The following MYOCD variants were observed in gnomAD, a reference collection of about 807,000 sequenced individuals.
MYOCD encodes myocardin.
Under a neutral mutation model 96.1 loss-of-function variants are expected in MYOCD, and 32 were observed. The observed-to-expected ratio is 0.33, with a 90% CI of 0.25 to 0.45. MYOCD has a LOEUF of 0.45. Among genes scored for constraint, MYOCD ranks in the 20% least tolerant of loss-of-function variants. The pLI is 1.00. For missense variants in MYOCD, 1,133 were observed against 1,200.6 expected, an observed-to-expected ratio of 0.94 and a Z score of 0.83; for synonymous variants, 469 against 469.0, an observed-to-expected ratio of 1.00 and a Z score of 0.00.
intron 10 of MYOCD, among the ~76,000 whole-genome samples, chr17:12,754,729 C>T (rs1333996679): frequency 5.3e-5 from 8 of 152,338 alleles, no homozygotes; most frequent in Admixed American, 4.6e-4. Flanking sequence ...AGAAAGGTTA[C>T]ATTATCAAAA....
At chr17:12,709,866 G>A (rs2031428454) in intron 2 of MYOCD, among the ~76,000 whole-genome samples, 1 of 152,058 alleles carries the variant, frequency 6.6e-6, no homozygotes, top group Non-Finnish European at 1.5e-5. Context: ...TCTTCTCCCT[G>A]GGTATCACTC....
chr17:12,676,586 A>C (rs995164159), intron 1 of MYOCD, among the ~76,000 whole-genome samples: 24 of 152,134 alleles, frequency 1.6e-4, no homozygotes, highest in African/African-American at 5.1e-4. Flanking sequence ...GAGTGGGTTA[A>C]CAATACCATA....
At chr17:12,739,785 T>C (rs1218853390) in intron 7 of MYOCD, among the ~76,000 whole-genome samples, 3 of 152,240 alleles carry the variant, frequency 2.0e-5, no homozygotes, top group Non-Finnish European at 4.4e-5. Flanking sequence ...GTTTCATTCA[T>C]AGTAGGCAGG....
Position 12,756,428 on chromosome 17 carries a change from C to A in MYOCD, c.2073C>A (p.His691Gln), listed in dbSNP as rs772669127. ...TTCCTTTGCAGAACTCAGGAGCACA[C>A]GATGGCCATCCTCCAAGCTTCTCTC... ...QVCTAQNSGA[H>Q]DGHPPSFSPH... is the part of the protein sequence containing the mutation. Residue 691 changes from histidine to glutamine, a missense_variant, in exon 11 of 14, where the codon CAC becomes CAA. Physicochemically the swap from His to Gln is conservative, Grantham distance 24. Transcript: ENST00000425538. 4 of 1,552,052 alleles carry A rather than the reference C, an allele frequency of 2.6e-6. No homozygotes were observed. In the African/African-American group the frequency reaches 5.5e-5, roughly 21 times the overall value.
intron 1 of MYOCD, among the ~76,000 whole-genome samples, chr17:12,685,529 C>T (rs911149389): frequency 2.0e-5 from 3 of 151,778 alleles, no homozygotes; most frequent in Admixed American, 2.0e-4. Context: ...TCACTTGAAC[C>T]CAGGAGGCGG....
At chr17:12,750,735 T>C (rs1401758296) in intron 9 of MYOCD, among the ~76,000 whole-genome samples, 1 of 106,956 alleles carries the variant, frequency 9.3e-6, no homozygotes. Flanking sequence ...TAACACAAAG[T>C]CTTCTTATTC....
chr17:12,699,750 A>T (rs1445349316), intron 1 of MYOCD, among the ~76,000 whole-genome samples: 1 of 152,182 alleles, frequency 6.6e-6, no homozygotes. Context: ...TTCTTTGGGA[A>T]TCTAAAGTGT....
chr17:12,762,842 A>T, intron 13 of MYOCD: 1 of 521,226 alleles, frequency 1.9e-6, no homozygotes, highest in South Asian at 2.7e-5. Flanking sequence ...AGGAACCTTC[A>T]GAGAAGAGAG....
chr17:12,697,121 C>T lies in MYOCD; in HGVS notation c.56-8007C>T, dbSNP rs375015466. ...ACAGGATGTCACAGGGGTAGACCTCCTGTCTCAGTACCCCAGCTAACAATC... is the reference window on the plus strand; with the variant it reads ...ACAGGATGTCACAGGGGTAGACCTCTTGTCTCAGTACCCCAGCTAACAATC... On this transcript the variant is annotated intron_variant, in intron 1 of 13. Transcript: ENST00000425538. Among the ~76,000 whole-genome samples, 9 of 152,018 alleles carry T rather than the reference C, an allele frequency of 5.9e-5. No homozygotes were observed. In the East Asian group the frequency reaches 1.6e-3, roughly 26 times the overall value.
chr17:12,733,318 A>T (rs2032234639), intron 5 of MYOCD, among the ~76,000 whole-genome samples: 1 of 150,952 alleles, frequency 6.6e-6, no homozygotes, highest in South Asian at 2.1e-4. Flanking sequence ...TCAAAAAAAA[A>T]AAAACAACCA....
intron 9 of MYOCD, among the ~76,000 whole-genome samples, chr17:12,749,427 G>A (rs890830253): frequency 2.6e-5 from 4 of 151,872 alleles, no homozygotes; most frequent in Admixed American, 2.6e-4. Context: ...TACTCAGGAG[G>A]CTGAGGCAGG....
At chr17:12,720,090 C>T (rs143946251) in intron 4 of MYOCD, among the ~76,000 whole-genome samples, 6 of 152,028 alleles carry the variant, frequency 3.9e-5, no homozygotes, top group East Asian at 1.9e-4. Flanking sequence ...CTTGTCACCA[C>T]GTTTACCAGT....
intron 9 of MYOCD, among the ~76,000 whole-genome samples, chr17:12,752,152 A>T (rs1016941394): frequency 1.3e-5 from 2 of 152,176 alleles, no homozygotes; most frequent in South Asian, 4.1e-4. Flanking sequence ...AGATTAGATG[A>T]CTTCTACCAT....
intron 1 of MYOCD, among the ~76,000 whole-genome samples, chr17:12,680,555 G>A (rs929912542): frequency 1.3e-5 from 2 of 152,164 alleles, no homozygotes; most frequent in Non-Finnish European, 2.9e-5. Context: ...AAGGAACGCA[G>A]GTCAAATGGC....
rs1430037963 is a variant in MYOCD, at chr17:12,755,967, AGATT to A, written c.2059-442_2059-439del. 9.8e-5 allele frequency among the ~76,000 whole-genome samples: 15 copies of A among 152,298 alleles called. No homozygotes were observed. The South Asian group carries it at 2.9e-3, about 29-fold the overall frequency. ...TTAAATGCTGGTGGGAGGGAGGGACAGATTGATTAGAAAGGGCTGGAAAGGTCCA... is the reference window on the plus strand; with the variant it reads ...TTAAATGCTGGTGGGAGGGAGGGACAGATTAGAAAGGGCTGGAAAGGTCCA... On this transcript the variant is annotated intron_variant, in intron 10 of 13. Transcript: ENST00000425538.
At chr17:12,679,027 C>T (rs1910282975) in intron 1 of MYOCD, among the ~76,000 whole-genome samples, 1 of 152,086 alleles carries the variant, frequency 6.6e-6, no homozygotes, top group African/African-American at 2.4e-5. Flanking sequence ...GGCTCAAGGT[C>T]ACCCAGCAGA....
At chr17:12,697,395 C>T (rs535498777) in intron 1 of MYOCD, among the ~76,000 whole-genome samples, 1 of 125,944 alleles carries the variant, frequency 7.9e-6, no homozygotes, top group African/African-American at 3.1e-5. Context: ...CGGGGTCTCG[C>T]TCTGTCGCCC....
intron 10 of MYOCD, among the ~76,000 whole-genome samples, chr17:12,755,930 A>G (rs1250951367): frequency 6.6e-6 from 1 of 152,210 alleles, no homozygotes; most frequent in African/African-American, 2.4e-5. Flanking sequence ...TGACTGATCT[A>G]TGCTTACAAC....
At chr17:12,691,782 C>A (rs1399382683) in intron 1 of MYOCD, among the ~76,000 whole-genome samples, 1 of 152,112 alleles carries the variant, frequency 6.6e-6, no homozygotes, top group Non-Finnish European at 1.5e-5. Flanking sequence ...AGTTTAGAGT[C>A]CAAAATCATG....
Sources: allele counts gnomAD v4.1 joint callset (sites outside exome capture counted in the v4.1 genomes callset), GRCh38; gene constraint gnomAD v4.1.1; transcripts MANE v1.5; gene names NCBI Gene and HGNC (gene_info 2026-07-23, HGNC 2026-07-21).